The following CSDE1 variants were observed in gnomAD, a reference collection of about 807,000 sequenced individuals.
The protein encoded by CSDE1 is cold shock domain containing E1.
Under a neutral mutation model 89.3 loss-of-function variants are expected in CSDE1, and 17 were observed. That is an observed-to-expected ratio of 0.19 (90% CI 0.13 to 0.29). The LOEUF is 0.29. CSDE1 is among the 10% of genes least tolerant of loss of function. The pLI is 1.00. For synonymous variants in CSDE1, 322 were observed against 332.8 expected (o/e 0.97, Z 0.35); for missense variants, 672 against 984.2 (o/e 0.68, Z 4.24).
chr1:114,726,456 G>A (rs1659804835), intron 13 of CSDE1, 70 bp from the exon 14 acceptor site: 5 of 1,225,706 alleles, frequency 4.1e-6, no homozygotes, highest in Non-Finnish European at 4.5e-6. Context: ...CAGAAAACAA[G>A]ACCTATAACT....
intron 1 of CSDE1, among the ~76,000 whole-genome samples, chr1:114,753,589 T>A (rs1000217722): frequency 2.0e-5 from 3 of 151,996 alleles, no homozygotes; most frequent in South Asian, 2.1e-4. Context: ...ATCTCCTCCA[T>A]CCCCCTAAAA....
chr1:114,722,105 C>T (rs1340530754), intron 16 of CSDE1, among the ~76,000 whole-genome samples: 1 of 152,172 alleles, frequency 6.6e-6, no homozygotes, highest in Admixed American at 6.5e-5. Context: ...TGGTCTCGAA[C>T]TCCTGACCTT....
chr1:114,739,957 T>C, intron 2 of CSDE1, 67 bp from the exon 3 acceptor site: 1 of 1,331,578 alleles, frequency 7.5e-7, no homozygotes, highest in Non-Finnish European at 1.1e-6. Flanking sequence ...TAAGTCTGGT[T>C]AATAAGTCAC....
chr1:114,736,993 T>C, intron 5 of CSDE1, 138 bp from the exon 6 acceptor site: 2 of 616,698 alleles, frequency 3.2e-6, no homozygotes, highest in East Asian at 2.8e-5. Flanking sequence ...GACAAGTCAC[T>C]TTATTCATAT....
chr1:114,740,121 T>C (rs1192029553), intron 2 of CSDE1, among the ~76,000 whole-genome samples: 1 of 152,208 alleles, frequency 6.6e-6, no homozygotes, highest in Admixed American at 6.5e-5. Flanking sequence ...TTTCCACTTA[T>C]CAGACAAAAA....
At chr1:114,724,635 T>G (rs1334539461) in intron 15 of CSDE1, among the ~76,000 whole-genome samples, 1 of 152,234 alleles carries the variant, frequency 6.6e-6, no homozygotes, top group Admixed American at 6.5e-5. Context: ...TCCCATTATT[T>G]TTCACATTTA....
chr1:114,722,961 T>C (rs192172670), intron 16 of CSDE1, among the ~76,000 whole-genome samples: 1 of 152,384 alleles, frequency 6.6e-6, no homozygotes, highest in African/African-American at 2.4e-5. Context: ...TCTTAGATGA[T>C]GCAAGGACTT....
chr1:114,719,883 C>G, intron 17 of CSDE1, 141 bp from the exon 18 acceptor site: 2 of 743,200 alleles, frequency 2.7e-6, no homozygotes, highest in Non-Finnish European at 4.3e-6. Flanking sequence ...GTGGCAAAAC[C>G]TGTCAGGGAA....
chr1:114,736,882 A>G, intron 5 of CSDE1, 27 bp from the exon 6 acceptor site: 1 of 1,551,248 alleles, frequency 6.4e-7, no homozygotes, highest in Non-Finnish European at 8.9e-7. Flanking sequence ...CATTATTACT[A>G]TTTTGGCAGG....
At chr1:114,723,769 T>C (rs1570896731) in intron 16 of CSDE1, 114 bp downstream of exon 16, 1 of 1,448,780 alleles carries the variant, frequency 6.9e-7, no homozygotes, top group Non-Finnish European at 9.6e-7. Flanking sequence ...CACTTTTCCT[T>C]AATTCAGTTT....
At chr1:114,725,724 C>T (rs1003415034) in intron 14 of CSDE1, among the ~76,000 whole-genome samples, 10 of 152,132 alleles carry the variant, frequency 6.6e-5, no homozygotes, top group African/African-American at 1.7e-4. Context: ...CAACCTCTGC[C>T]TCCCAGGATC....
intron 16 of CSDE1, among the ~76,000 whole-genome samples, chr1:114,722,305 AC>A (rs1054257736): frequency 6.6e-6 from 1 of 152,222 alleles, no homozygotes; most frequent in African/African-American, 2.4e-5. Flanking sequence ...ATCAATAATT[AC>A]CATTTATGAT....
chr1:114,718,642 G>A lies in CSDE1; in HGVS notation c.2320C>T (p.Arg774Cys). 6.2e-7 allele frequency: 1 copy of A among 1,614,112 alleles called. No homozygotes were observed. The highest frequency in any genetic ancestry group is 8.5e-7 in the Non-Finnish European group (1 of 1,180,016). ...GAGTTATCTGGTCCCCTTGGCTGACGAAGAACCATTAGGCGAGGAGCACTG... is the reference window on the plus strand; with the variant it reads ...GAGTTATCTGGTCCCCTTGGCTGACAAAGAACCATTAGGCGAGGAGCACTG... ...DASAPRLMVLRQPRGPDNSMG... is the reference protein window; with the variant it reads ...DASAPRLMVLCQPRGPDNSMG... The change falls in exon 19 of 20, where the codon CGT (arginine) becomes TGT (cysteine). Residue 774 changes from arginine (R) to cysteine (C), a missense_variant. Transcript: ENST00000358528.
intron 2 of CSDE1, among the ~76,000 whole-genome samples, chr1:114,743,514 C>A (rs982213296): frequency 1.3e-5 from 2 of 152,120 alleles, no homozygotes; most frequent in Non-Finnish European, 2.9e-5. Context: ...CATGTTTAGA[C>A]TATAGTTCTG....
At chr1:114,757,414 C>T (rs1661668337) in intron 1 of CSDE1, among the ~76,000 whole-genome samples, 1 of 152,126 alleles carries the variant, frequency 6.6e-6, no homozygotes, top group Admixed American at 6.5e-5. Context: ...GGCCAGGAAA[C>T]TACAGGGTCC....
At chr1:114,756,212 A>G (rs552839750) in intron 1 of CSDE1, among the ~76,000 whole-genome samples, 19 of 152,306 alleles carry the variant, frequency 1.2e-4, no homozygotes, top group African/African-American at 4.3e-4. Flanking sequence ...CTGTGCCTCA[A>G]ATACTTTAGT....
chr1:114,726,627 T>C (rs956281723), intron 13 of CSDE1, among the ~76,000 whole-genome samples: 2 of 152,208 alleles, frequency 1.3e-5, no homozygotes, highest in African/African-American at 4.8e-5. Context: ...TAGAGGGCTA[T>C]CCAAAAACCA....
intron 10 of CSDE1, among the ~76,000 whole-genome samples, chr1:114,731,390 T>TA (rs368044895): frequency 0.081 from 10,948 of 134,356 alleles, 610 homozygotes; most frequent in African/African-American, 0.17. Context: ...TTTGAAAATG[T>TA]AAAAAAAAAA....
chr1:114,730,417 C>G lies in CSDE1; in HGVS notation c.1197G>C (p.Met399Ile). Residue 399 changes from methionine (M) to isoleucine (I), a missense_variant, in exon 12 of 20, where the codon ATG (methionine) becomes ATC (isoleucine). Physicochemically the swap from Met to Ile is conservative, Grantham distance 10. Around this residue, in one of 8 missense-constraint regions of CSDE1, gnomAD observed 169 missense variants for 262.9 expected, o/e 0.64. Coordinates refer to ENST00000358528, the MANE Select transcript of CSDE1 (RefSeq NM_001007553.3). ...TAGCATGATTTCTTTGAGCAGAGAG[C>G]ATATCCTAAAAATGATAAAACAAAA... ...DEVEFTVVPD[M>I]LSAQRNHAIR... 6.2e-7 allele frequency: 1 copy of G among 1,612,710 alleles called. No individual in the cohort carries two copies. The highest frequency in any genetic ancestry group is 2.2e-5 in the East Asian group (1 of 44,862).
Sources: gnomAD v4.1 joint callset for allele counts (sites outside exome capture counted in the v4.1 genomes callset) on GRCh38, gnomAD v4.1.1 for gene constraint, gnomAD v4.1.1 regional missense constraint, MANE v1.5 for transcripts, NCBI Gene and HGNC (gene_info 2026-07-23, HGNC 2026-07-21) for gene names.